SIPA1L3: variants seen among roughly 807,000 people sequenced by gnomAD.
SIPA1L3 encodes signal induced proliferation associated 1 like 3.
Under a neutral mutation model 150.1 loss-of-function variants are expected in SIPA1L3, and 59 were observed. The ratio of observed to expected loss-of-function variants is 0.39; its 90% CI spans 0.32 to 0.49. The LOEUF (loss-of-function observed/expected upper bound fraction) is 0.49, where lower values mean the gene tolerates loss of function less well. Ranked by LOEUF, SIPA1L3 falls within the 20% of genes least tolerant of loss-of-function variation. The pLI, the probability that SIPA1L3 is intolerant of heterozygous loss-of-function variation, is 0.86. For synonymous variants in SIPA1L3, 1,070 were observed against 1,077.6 expected, an observed-to-expected ratio of 0.99 and a Z score of 0.14; for missense variants, 2,211 against 2,489.5, an observed-to-expected ratio of 0.89 and a Z score of 2.38.
intron 9 of SIPA1L3, among the ~76,000 whole-genome samples, chr19:38,126,031 G>A (rs1444460271): frequency 4.6e-5 from 7 of 152,038 alleles, no homozygotes; most frequent in East Asian, 1.9e-4. Flanking sequence ...AAAATTAGCC[G>A]GGCGTGGTGG....
At chr19:37,953,303 G>T (rs1204760044) in intron 1 of SIPA1L3, among the ~76,000 whole-genome samples, 1 of 152,126 alleles carries the variant, frequency 6.6e-6, no homozygotes, top group Non-Finnish European at 1.5e-5. Flanking sequence ...GCTAAACCTG[G>T]CGTATCGCAT....
intron 4 of SIPA1L3, among the ~76,000 whole-genome samples, chr19:38,097,999 G>T (rs1970416033): frequency 6.6e-6 from 1 of 152,194 alleles, no homozygotes; most frequent in Admixed American, 6.6e-5. Flanking sequence ...CCTTGGATAA[G>T]GCACGTAACC....
intron 2 of SIPA1L3, among the ~76,000 whole-genome samples, chr19:38,044,413 C>T (rs533116110): frequency 3.3e-5 from 5 of 152,160 alleles, no homozygotes; most frequent in African/African-American, 7.2e-5. Flanking sequence ...TGCGGAGAGA[C>T]GGCGAGGAAT....
At chr19:38,178,432 C>T (rs1972489883) in intron 15 of SIPA1L3, among the ~76,000 whole-genome samples, 1 of 151,112 alleles carries the variant, frequency 6.6e-6, no homozygotes, top group Non-Finnish European at 1.5e-5. Context: ...CCATGCCCGG[C>T]CTTGTGCAGG....
Position 37,968,167 on chromosome 19 carries a change from G to A in SIPA1L3, c.-379+60809G>A, listed in dbSNP as rs1049143913. On this transcript the variant is annotated intron_variant, in intron 1 of 21. Transcript: ENST00000222345. ...CAGCTCATGCAACCTCTGCCTCCCGGGTTCAAGCGATTCTCCTGCCTCAGC... is the reference window on the plus strand; with the variant it reads ...CAGCTCATGCAACCTCTGCCTCCCGAGTTCAAGCGATTCTCCTGCCTCAGC... Among the ~76,000 whole-genome samples, 5 of 151,968 alleles carry A rather than the reference G, an allele frequency of 3.3e-5. No individual in the cohort carries two copies. The South Asian group carries it at 1.0e-3, about 32-fold the overall frequency.
chr19:38,000,972 CAT>C (rs72101027), intron 1 of SIPA1L3, among the ~76,000 whole-genome samples: 43,184 of 142,734 alleles, frequency 0.3, 7,331 homozygotes, highest in East Asian at 0.72. Flanking sequence ...ACATATATAA[CAT>C]ATATAACACA....
chr19:38,032,431 AT>A (rs1182708017), intron 2 of SIPA1L3, among the ~76,000 whole-genome samples: 2 of 152,312 alleles, frequency 1.3e-5, no homozygotes, highest in African/African-American at 4.8e-5. Flanking sequence ...GCAAATATGC[AT>A]TTGAGCACCT....
At chr19:38,058,610 G>C (rs1969379839) in intron 2 of SIPA1L3, among the ~76,000 whole-genome samples, 1 of 152,186 alleles carries the variant, frequency 6.6e-6, no homozygotes, top group African/African-American at 2.4e-5. Context: ...TGCAGGTTCT[G>C]GGAGTGGAAA....
chr19:37,961,800 C>T (rs971116598), intron 1 of SIPA1L3, among the ~76,000 whole-genome samples: 3 of 151,874 alleles, frequency 2.0e-5, no homozygotes, highest in Non-Finnish European at 2.9e-5. Flanking sequence ...CCTGTTTATT[C>T]GTATTCAATC....
At chr19:37,993,752 T>G (rs895225312) in intron 1 of SIPA1L3, among the ~76,000 whole-genome samples, 9 of 152,246 alleles carry the variant, frequency 5.9e-5, no homozygotes, top group African/African-American at 2.2e-4. Flanking sequence ...CGACCAGGTG[T>G]GATGTTGTCT....
At chr19:38,055,518 C>G (rs1725505) in intron 2 of SIPA1L3, among the ~76,000 whole-genome samples, 49,923 of 152,050 alleles carry the variant, frequency 0.33, 8,355 homozygotes, top group South Asian at 0.38. Context: ...CCTCTTCCCT[C>G]ACACTGGCCA....
chr19:38,110,857 C>T (rs979258543), intron 8 of SIPA1L3, among the ~76,000 whole-genome samples: 2 of 151,952 alleles, frequency 1.3e-5, no homozygotes, highest in Non-Finnish European at 2.9e-5. Context: ...CAGTTGGAGT[C>T]GTGTGCCTGT....
intron 6 of SIPA1L3, among the ~76,000 whole-genome samples, chr19:38,105,662 A>C (rs1412825715): frequency 6.6e-6 from 1 of 152,188 alleles, no homozygotes; most frequent in African/African-American, 2.4e-5. Flanking sequence ...ATGTCACATG[A>C]ATGGGATCAC....
intron 1 of SIPA1L3, among the ~76,000 whole-genome samples, chr19:37,953,647 G>A (rs564125456): frequency 6.6e-5 from 10 of 152,328 alleles, no homozygotes; most frequent in African/African-American, 2.4e-4. Flanking sequence ...TATCGGTTCA[G>A]AAAATCCCTT....
chr19:38,154,663 G>A (rs1216805007), intron 13 of SIPA1L3, among the ~76,000 whole-genome samples: 5 of 151,830 alleles, frequency 3.3e-5, no homozygotes, highest in African/African-American at 4.8e-5. Context: ...GGCCAGGCTC[G>A]TCTCGAACTC....
chr19:38,168,479 A>C (rs929082840), intron 15 of SIPA1L3, among the ~76,000 whole-genome samples: 1 of 152,112 alleles, frequency 6.6e-6, no homozygotes, highest in Non-Finnish European at 1.5e-5. Context: ...AATAAAAAAT[A>C]AAAATAAAAC....
At chr19:38,163,367 A>T (rs1972134441) in intron 14 of SIPA1L3, among the ~76,000 whole-genome samples, 1 of 151,866 alleles carries the variant, frequency 6.6e-6, no homozygotes, top group African/African-American at 2.4e-5. Flanking sequence ...GCAGGAACCT[A>T]TAATCCCAGC....
chr19:38,206,419 G>A lies in SIPA1L3; in HGVS notation c.*179G>A. ...CTGTGAGTCAGGGTCAGCGCGCACAGCCCTCATGCCCCAGAGGGCGAAGTG... is the reference window on the plus strand; with the variant it reads ...CTGTGAGTCAGGGTCAGCGCGCACAACCCTCATGCCCCAGAGGGCGAAGTG... On this transcript the variant is annotated 3_prime_UTR_variant, in exon 22 of 22. Coordinates refer to ENST00000222345, the MANE Select transcript of SIPA1L3 (RefSeq NM_015073.3). The A allele has an allele frequency of 1.5e-6, 1 of 678,710 alleles. No individual in the cohort carries two copies. The highest frequency in any genetic ancestry group is 2.3e-6 in the Non-Finnish European group (1 of 425,794). The allele number at this position is 678,710 out of a possible 1,614,324, so 42.0% of individuals were successfully genotyped here. A position where few individuals can be genotyped will look rare whatever the true frequency, so the allele number is the denominator to read the frequency against.
chr19:38,161,234 C>T (rs2145977847), intron 13 of SIPA1L3, among the ~76,000 whole-genome samples: 2 of 148,418 alleles, frequency 1.3e-5, no homozygotes, highest in African/African-American at 5.0e-5. Flanking sequence ...CCCAGCTACT[C>T]AGGAGGCTGA....
Sources: gnomAD v4.1 joint callset for allele counts (sites outside exome capture counted in the v4.1 genomes callset) on GRCh38, gnomAD v4.1.1 for gene constraint, MANE v1.5 for transcripts, NCBI Gene and HGNC (gene_info 2026-07-23, HGNC 2026-07-21) for gene names.